Variants in PRKG1 observed in about 807,000 individuals in gnomAD.
PRKG1 encodes the protein protein kinase cGMP-dependent 1.
In PRKG1, 35 loss-of-function variants were observed where a neutral mutation model predicts 88.1. That is an observed-to-expected ratio of 0.40 (90% CI 0.30 to 0.53). The LOEUF (loss-of-function observed/expected upper bound fraction) is 0.53. Ranked by LOEUF, PRKG1 falls within the 20% of genes least tolerant of loss-of-function variation. PRKG1 has a pLI of 0.59. For synonymous variants in PRKG1, 303 were observed against 292.5 expected, an observed-to-expected ratio of 1.04 and a Z score of -0.37; for missense variants, 540 against 839.8, an observed-to-expected ratio of 0.64 and a Z score of 4.41.
At chr10:51,397,639 A>T (rs534056445) in intron 2 of PRKG1, among the ~76,000 whole-genome samples, 1 of 152,338 alleles carries the variant, frequency 6.6e-6, no homozygotes, top group South Asian at 2.1e-4. Context: ...AAAAACAAGG[A>T]ACATCTCAGG....
intron 4 of PRKG1, among the ~76,000 whole-genome samples, chr10:51,826,123 T>A (rs144488303): frequency 1.1e-3 from 164 of 152,234 alleles, no homozygotes; most frequent in African/African-American, 3.8e-3. Context: ...TACTAGATTA[T>A]TAGCTGGAGA....
At position 51,887,996 on chromosome 10, in the gene PRKG1, T is replaced by A. The variant is rs187683431; in HGVS notation, c.699-19511T>A. Among the ~76,000 whole-genome samples, 14 of 152,352 alleles carry A rather than the reference T, an allele frequency of 9.2e-5. No individual in the cohort carries two copies. In the East Asian group the frequency reaches 2.5e-3, roughly 27 times the overall value. ...ACAGTTAATAATACAGTATTGTGTTTATTAAAATATAAGAGGATATATCTC... is the reference window on the plus strand; with the variant it reads ...ACAGTTAATAATACAGTATTGTGTTAATTAAAATATAAGAGGATATATCTC... On this transcript the variant is annotated intron_variant, in intron 4 of 17. Coordinates refer to ENST00000373980, the MANE Select transcript of PRKG1 (RefSeq NM_006258.4).
At chr10:51,547,467 GTA>G (rs1472678205) in intron 3 of PRKG1, among the ~76,000 whole-genome samples, 4 of 152,058 alleles carry the variant, frequency 2.6e-5, no homozygotes, top group Non-Finnish European at 5.9e-5. Context: ...GGATACAGTA[GTA>G]AATAAGAGGC....
At chr10:51,555,941 C>T (rs1837298713) in intron 3 of PRKG1, among the ~76,000 whole-genome samples, 1 of 151,724 alleles carries the variant, frequency 6.6e-6, no homozygotes, top group Admixed American at 6.6e-5. Flanking sequence ...TCTCTCACCT[C>T]AACCAAACCC....
intron 7 of PRKG1, among the ~76,000 whole-genome samples, chr10:52,125,181 G>T (rs1847904186): frequency 6.6e-6 from 1 of 151,984 alleles, no homozygotes; most frequent in Non-Finnish European, 1.5e-5. Context: ...CATATAATTG[G>T]CAGCACAGTA....
chr10:51,706,729 G>A (rs1841614056), intron 3 of PRKG1, among the ~76,000 whole-genome samples: 1 of 152,016 alleles, frequency 6.6e-6, no homozygotes, highest in Non-Finnish European at 1.5e-5. Flanking sequence ...GACTTAGATT[G>A]GCTACCTAGT....
chr10:51,317,717 G>T (rs1841358558), intron 2 of PRKG1, among the ~76,000 whole-genome samples: 1 of 152,100 alleles, frequency 6.6e-6, no homozygotes, highest in African/African-American at 2.4e-5. Context: ...TCTGAACATT[G>T]CAACTCCTGT....
At chr10:50,999,549 A>C (rs1414744466) in intron 1 of PRKG1, among the ~76,000 whole-genome samples, 1 of 152,144 alleles carries the variant, frequency 6.6e-6, no homozygotes, top group Non-Finnish European at 1.5e-5. Context: ...ATGTGTCTTT[A>C]TTTGAGTACT....
intron 8 of PRKG1, among the ~76,000 whole-genome samples, chr10:52,148,475 T>G (rs930483695): frequency 6.6e-6 from 1 of 152,052 alleles, no homozygotes; most frequent in African/African-American, 2.4e-5. Flanking sequence ...TGAACATATC[T>G]TAAACAAGAA....
chr10:51,638,703 C>T (rs753132691), intron 3 of PRKG1, among the ~76,000 whole-genome samples: 12 of 152,150 alleles, frequency 7.9e-5, no homozygotes, highest in Non-Finnish European at 1.5e-4. Context: ...GAGCCTGTCT[C>T]TTCAGTGGAA....
chr10:52,184,958 A>G (rs183284507), intron 9 of PRKG1: 1 of 152,334 alleles, frequency 6.6e-6, no homozygotes, highest in Admixed American at 6.5e-5. Context: ...CACCTCCGAC[A>G]CTGGGAACCA....
In PRKG1 at chr10:52,111,914, T is replaced by A. The variant is rs1199572158; in HGVS notation, c.936-21926T>A. 5.5e-4 allele frequency among the ~76,000 whole-genome samples: 83 copies of A among 152,218 alleles called. 2 individuals carry two copies. Among genetic ancestry groups the A allele is most frequent in the Non-Finnish European group, 8.8e-5 (6 of 68,030 alleles). Reference sequence around the variant, plus strand: ...ACTACTTAACATTAGCAGAGGGGTCTTCTTAAAGCTTATGATAGTGCCTGT... The same window carrying A: ...ACTACTTAACATTAGCAGAGGGGTCATCTTAAAGCTTATGATAGTGCCTGT... On this transcript the variant is annotated intron_variant, in intron 7 of 17. Transcript: ENST00000373980.
chr10:51,625,507 A>G (rs1006489682), intron 3 of PRKG1, among the ~76,000 whole-genome samples: 2 of 152,070 alleles, frequency 1.3e-5, no homozygotes, highest in East Asian at 1.9e-4. Flanking sequence ...AGAAAGACCC[A>G]TAGACACAGA....
chr10:51,496,337 T>C (rs745737765), intron 3 of PRKG1, among the ~76,000 whole-genome samples: 1 of 152,096 alleles, frequency 6.6e-6, no homozygotes, highest in Non-Finnish European at 1.5e-5. Flanking sequence ...CAGAGACACG[T>C]TGGGATGATG....
intron 9 of PRKG1, among the ~76,000 whole-genome samples, chr10:52,193,563 C>CA (rs67349420): frequency 0.73 from 86,342 of 117,982 alleles, 30,470 homozygotes; most frequent in East Asian, 0.83. Context: ...AAAAAAAAAA[C>CA]AAAAAAAAAA....
chr10:51,501,068 G>A (rs1297474556), intron 3 of PRKG1, among the ~76,000 whole-genome samples: 1 of 152,044 alleles, frequency 6.6e-6, no homozygotes, highest in Non-Finnish European at 1.5e-5. Context: ...GACCTTCCCT[G>A]GTTCCTGTCT....
At chr10:51,512,133 G>T (rs920178743) in intron 3 of PRKG1, among the ~76,000 whole-genome samples, 3 of 150,630 alleles carry the variant, frequency 2.0e-5, no homozygotes, top group Non-Finnish European at 4.4e-5. Context: ...GTGGTGGTAG[G>T]ACTGTGAGGG....
At chr10:51,549,360 G>A (rs1842526068) in intron 3 of PRKG1, among the ~76,000 whole-genome samples, 1 of 151,378 alleles carries the variant, frequency 6.6e-6, no homozygotes. Context: ...TCCTGACCTT[G>A]GGGATACCAT....
At chr10:51,206,983 T>A (rs2132065774) in intron 2 of PRKG1, among the ~76,000 whole-genome samples, 1 of 152,350 alleles carries the variant, frequency 6.6e-6, no homozygotes, top group Non-Finnish European at 1.5e-5. Flanking sequence ...TTGTTAGTTT[T>A]TTTTAAATTG....
Sources: allele counts gnomAD v4.1 joint callset (sites outside exome capture counted in the v4.1 genomes callset), GRCh38; gene constraint gnomAD v4.1.1; transcripts MANE v1.5; gene names NCBI Gene and HGNC (gene_info 2026-07-23, HGNC 2026-07-21).